TM9SF2: variants seen among roughly 807,000 people sequenced by gnomAD.
The protein encoded by TM9SF2 is transmembrane 9 superfamily member 2, also known as 76 kDa membrane protein.
A neutral mutation model predicts 84.9 loss-of-function variants in TM9SF2; 13 were observed. The observed-to-expected ratio is 0.15, with a 90% confidence interval of 0.10 to 0.24. The LOEUF (loss-of-function observed/expected upper bound fraction) is 0.24. TM9SF2 is among the 10% of genes least tolerant of loss of function. The pLI is 1.00. For synonymous variants in TM9SF2, 273 were observed against 285.8 expected, an observed-to-expected ratio of 0.96 and a Z score of 0.45; for missense variants, 562 against 818.5, an observed-to-expected ratio of 0.69 and a Z score of 3.82.
chr13:99,521,717 T>C (rs896555224), intron 3 of TM9SF2, among the ~76,000 whole-genome samples: 2 of 152,176 alleles, frequency 1.3e-5, no homozygotes, highest in Non-Finnish European at 2.9e-5. Flanking sequence ...TTTCTTTTCT[T>C]TTTTTAAGAG....
chr13:99,530,312 T>C (rs2046203025), intron 4 of TM9SF2, among the ~76,000 whole-genome samples: 1 of 152,132 alleles, frequency 6.6e-6, no homozygotes, highest in Non-Finnish European at 1.5e-5. Flanking sequence ...TAGTCCCAAC[T>C]ACTTGGGAGG....
At chr13:99,544,766 G>A (rs1045634414) in intron 10 of TM9SF2, among the ~76,000 whole-genome samples, 5 of 152,204 alleles carry the variant, frequency 3.3e-5, no homozygotes, top group Non-Finnish European at 7.3e-5. Context: ...CTCCTCTAGG[G>A]AAAGCGAGTG....
At chr13:99,559,188 A>G (rs1014014395) in intron 15 of TM9SF2, among the ~76,000 whole-genome samples, 175 bp from the exon 16 acceptor site, 6 of 152,204 alleles carry the variant, frequency 3.9e-5, no homozygotes, top group African/African-American at 1.4e-4. Context: ...GCTTCTTAGC[A>G]CCTTTAGTGA....
chr13:99,531,482 T>C (rs2046209533), intron 4 of TM9SF2, among the ~76,000 whole-genome samples: 3 of 151,998 alleles, frequency 2.0e-5, no homozygotes, highest in African/African-American at 7.3e-5. Context: ...TTAGTTTTCC[T>C]CCTCCTCCAC....
chr13:99,526,591 A>T (rs551507425), intron 3 of TM9SF2, among the ~76,000 whole-genome samples: 30 of 152,268 alleles, frequency 2.0e-4, no homozygotes, highest in Non-Finnish European at 4.1e-4. Context: ...GACACTGGGA[A>T]GCTTGAAATG....
chr13:99,550,562 T>C (rs549122909), intron 12 of TM9SF2, among the ~76,000 whole-genome samples: 43 of 152,212 alleles, frequency 2.8e-4, no homozygotes, highest in Non-Finnish European at 5.6e-4. Context: ...ATCCTACTCT[T>C]AACAGTGGGT....
chr13:99,546,947 G>C, intron 10 of TM9SF2, 38 bp from the exon 11 acceptor site: 1 of 1,613,412 alleles, frequency 6.2e-7, no homozygotes, highest in Non-Finnish European at 8.5e-7. Context: ...AGGAAACAGA[G>C]TAATAACATG....
At chr13:99,502,571 C>G (rs752684773) in intron 1 of TM9SF2, among the ~76,000 whole-genome samples, 11 of 152,174 alleles carry the variant, frequency 7.2e-5, no homozygotes, top group Non-Finnish European at 1.6e-4. Flanking sequence ...ACTTTGATCT[C>G]TTACAACATT....
At chr13:99,546,170 G>T (rs1382702295) in intron 10 of TM9SF2, among the ~76,000 whole-genome samples, 1 of 152,122 alleles carries the variant, frequency 6.6e-6, no homozygotes, top group Non-Finnish European at 1.5e-5. Flanking sequence ...GCGCGTGCTT[G>T]CTCACATACG....
intron 1 of TM9SF2, among the ~76,000 whole-genome samples, chr13:99,511,001 A>G (rs2046111409): frequency 1.3e-5 from 2 of 152,070 alleles, no homozygotes; most frequent in South Asian, 2.1e-4. Context: ...TTTTTTTCCT[A>G]TTTAATAAAT....
At chr13:99,536,226 T>C (rs776313376) in intron 4 of TM9SF2, among the ~76,000 whole-genome samples, 33 of 152,230 alleles carry the variant, frequency 2.2e-4, no homozygotes, top group Non-Finnish European at 3.5e-4. Flanking sequence ...AATTAGCAAT[T>C]ACAATAAATT....
At chr13:99,520,214 C>A in intron 3 of TM9SF2, 85 bp downstream of exon 3, 1 of 1,168,236 alleles carries the variant, frequency 8.6e-7, no homozygotes, top group Non-Finnish European at 1.2e-6. Context: ...ACTCAGCTAT[C>A]ATTGCTAAGG....
In TM9SF2 at chr13:99,501,671, T is replaced by C; in HGVS notation, c.65T>C (p.Leu22Pro). The C allele has an allele frequency of 1.9e-6, 3 of 1,613,394 alleles. No homozygotes were observed. The highest frequency in any genetic ancestry group is 2.5e-6 in the Non-Finnish European group (3 of 1,179,798). ...RWPRLLLLSL[L>P]LLGAVPGPRR... is the part of the protein sequence containing the mutation. ...CCGCGGCTGTTGCTGCTGTCGCTGC[T>C]CCTGCTGGGGGCGGTTCCTGGCCCG... is the stretch of plus-strand genomic sequence containing the variant. The change falls in exon 1 of 17, where the codon CTC becomes CCC. Residue 22 changes from leucine (L) to proline (P), a missense_variant. Around this residue, in one of 4 missense-constraint regions of TM9SF2, gnomAD observed 267 missense variants for 316.7 expected, o/e 0.84. Coordinates refer to ENST00000376387, the MANE Select transcript of TM9SF2 (RefSeq NM_004800.3).
At chr13:99,518,950 T>C (rs1016511791) in intron 2 of TM9SF2, among the ~76,000 whole-genome samples, 2 of 151,990 alleles carry the variant, frequency 1.3e-5, no homozygotes, top group African/African-American at 4.8e-5. Flanking sequence ...TGCATGAATA[T>C]CCTTTATTCA....
rs753763428 is a variant in TM9SF2 at position 99,529,463 on chromosome 13, A to G, written c.334-4A>G. 4 of 1,534,640 alleles carry G rather than the reference A, an allele frequency of 2.6e-6. No homozygotes were observed. Among genetic ancestry groups the G allele is most frequent in the Non-Finnish European group, 3.5e-6 (4 of 1,149,334 alleles). The stretch of plus-strand genomic sequence containing the variant: ...AATTTGCTTTCCACTTCCTTTTAAT[A>G]CAGTTTACGTTTAATAAGAAGGAGA... On this transcript the variant is annotated splice_polypyrimidine_tract_variant and splice_region_variant and intron_variant, in intron 3 of 16. Transcript: ENST00000376387.
At position 99,501,703 on chromosome 13, in the gene TM9SF2, A is replaced by G. The variant is rs933694030; in HGVS notation, c.97A>G (p.Ser33Gly). The change falls in exon 1 of 17, where the codon AGC (serine) becomes GGC (glycine). Residue 33 changes from serine to glycine, a missense_variant. Around this residue, in one of 4 missense-constraint regions of TM9SF2, gnomAD observed 267 missense variants for 316.7 expected, o/e 0.84. Transcript: ENST00000376387. ...LLGAVPGPRR[S>G]GAFYLPGLAP... is the part of the protein sequence containing the mutation. ...GGGGGCGGTTCCTGGCCCGCGCCGG[A>G]GCGGCGCTTTCTACCTGCCCGGCCT... The G allele has an allele frequency of 1.2e-6, 2 of 1,611,318 alleles. No individual in the cohort carries two copies. Among genetic ancestry groups the G allele is most frequent in the South Asian group, 1.1e-5 (1 of 90,962 alleles).
chr13:99,512,862 T>A (rs1351454016), intron 1 of TM9SF2, among the ~76,000 whole-genome samples: 1 of 152,216 alleles, frequency 6.6e-6, no homozygotes, highest in Non-Finnish European at 1.5e-5. Context: ...TTTCCAGGAC[T>A]GGTGCTTGAG....
chr13:99,535,518 A>G (rs2046230130), intron 4 of TM9SF2, among the ~76,000 whole-genome samples: 1 of 152,186 alleles, frequency 6.6e-6, no homozygotes, highest in African/African-American at 2.4e-5. Context: ...CTAATATTTT[A>G]TAGTCTTTTC....
Position 99,501,543 on chromosome 13 carries a change from C to A in TM9SF2, c.-64C>A. 6.4e-7 allele frequency: 1 copy of A among 1,557,974 alleles called. No homozygotes were observed. The highest frequency in any genetic ancestry group is 8.7e-7 in the Non-Finnish European group (1 of 1,151,206). On this transcript the variant is annotated 5_prime_UTR_variant, in exon 1 of 17. Transcript: ENST00000376387. ...GGCGGCCTTGTAGTCGTCTCCGAGA[C>A]TCCCCACCCCTCCTTCCCTCTTGAC...
Sources: gnomAD v4.1 joint callset for allele counts (sites outside exome capture counted in the v4.1 genomes callset) on GRCh38, gnomAD v4.1.1 for gene constraint, gnomAD v4.1.1 regional missense constraint, MANE v1.5 for transcripts, NCBI Gene and HGNC (gene_info 2026-07-23, HGNC 2026-07-21) for gene names.